The following CHST3 variants were observed in gnomAD, a reference collection of about 807,000 sequenced individuals.
CHST3 encodes C6ST-1.
CHST3 carries 20 observed loss-of-function variants against 35.4 expected under a neutral mutation model. That is an observed-to-expected ratio of 0.57 (90% CI 0.40 to 0.82). CHST3 has a LOEUF of 0.82. Ranked by LOEUF, CHST3 falls within the 40% of genes least tolerant of loss-of-function variation. The pLI, the probability that CHST3 is intolerant of heterozygous loss-of-function variation, is 0.00. For missense variants in CHST3, 693 were observed against 670.1 expected (o/e 1.03, Z -0.38); for synonymous variants, 334 against 295.9 (o/e 1.13, Z -1.32).
Position 72,007,390 on chromosome 10 carries a change from A to G in CHST3, c.359A>G (p.Glu120Gly). Residue 120 changes from glutamate to glycine, a missense_variant, in exon 3 of 3, where the codon GAG becomes GGG. Transcript: ENST00000373115. ...GAGGAAGAGGAAGAGCAGAGAAAGG[A>G]GGAGGAGCCGCCCAGACCGGCCGTG... ...AGEEEEEQRK[E>G]EEPPRPAVAG... 1 of 1,606,272 alleles carries G rather than the reference A, an allele frequency of 6.2e-7. No homozygotes were observed. Among genetic ancestry groups the G allele is most frequent in the Non-Finnish European group, 8.5e-7 (1 of 1,177,646 alleles).
In CHST3 at chr10:72,008,041, A is replaced by C; in HGVS notation, c.1010A>C (p.Glu337Ala). The part of the protein sequence containing the change: ...DEGQDGLREE[E>A]VQRLRGNCES... ...GGCCAGGACGGCCTGAGGGAAGAGG[A>C]GGTGCAGCGGCTGCGGGGCAACTGC... The change falls in exon 3 of 3, where the codon GAG becomes GCG. Residue 337 changes from glutamate to alanine, a missense_variant. Physicochemically the swap from Glu to Ala is moderately radical, Grantham distance 107. Transcript: ENST00000373115. 4 of 1,549,346 alleles carry C rather than the reference A, an allele frequency of 2.6e-6. No individual in the cohort carries two copies. The highest frequency in any genetic ancestry group is 2.4e-5 in the South Asian group (2 of 84,042).
Position 72,008,063 on chromosome 10 carries a change from C to A in CHST3, c.1032C>A (p.Asn344Lys). Reference sequence around the variant, plus strand: ...AGGAGGTGCAGCGGCTGCGGGGCAACTGCGAGAGCATCCGCCTGTCCGCGG... The same window carrying A: ...AGGAGGTGCAGCGGCTGCGGGGCAAATGCGAGAGCATCCGCCTGTCCGCGG... The part of the protein sequence containing the change: ...REEEVQRLRG[N>K]CESIRLSAEL... Residue 344 changes from asparagine (N) to lysine (K), a missense_variant, in exon 3 of 3, where the codon AAC (asparagine) becomes AAA (lysine). Asn to Lys is a moderately conservative substitution (Grantham distance 94). Coordinates refer to ENST00000373115, the MANE Select transcript of CHST3 (RefSeq NM_004273.5). 6.5e-7 allele frequency: 1 copy of A among 1,548,964 alleles called. No individual in the cohort carries two copies. Among genetic ancestry groups the A allele is most frequent in the Non-Finnish European group, 8.7e-7 (1 of 1,146,330 alleles).
At chr10:71,985,646 G>A (rs1014749955) in intron 1 of CHST3, among the ~76,000 whole-genome samples, 3 of 152,134 alleles carry the variant, frequency 2.0e-5, no homozygotes, top group Admixed American at 2.0e-4. Context: ...CTCCTGTTGT[G>A]GGAGCTAGTT....
At chr10:72,005,021 G>A (rs4600132) in intron 1 of CHST3, among the ~76,000 whole-genome samples, 64,274 of 151,952 alleles carry the variant, frequency 0.42, 13,996 homozygotes, top group Non-Finnish European at 0.48. Context: ...GTGACTAAGG[G>A]GGCTGAGGTG....
intron 1 of CHST3, among the ~76,000 whole-genome samples, chr10:71,997,030 GTTTA>G (rs763977178): frequency 6.6e-6 from 1 of 152,056 alleles, no homozygotes; most frequent in Non-Finnish European, 1.5e-5. Context: ...CCTGGCCGTT[GTTTA>G]TTTATTTATT....
intron 1 of CHST3, among the ~76,000 whole-genome samples, chr10:71,976,231 A>T (rs1344898502): frequency 6.6e-6 from 1 of 152,168 alleles, no homozygotes; most frequent in Admixed American, 6.5e-5. Flanking sequence ...CTCCACCCAG[A>T]TGCCAACACC....
rs535679017 is a variant in CHST3 at position 71,969,964 on chromosome 10, A to G, written c.-108+5270A>G. 3.3e-5 allele frequency among the ~76,000 whole-genome samples: 5 copies of G among 152,314 alleles called. No homozygotes were observed. In the South Asian group the frequency reaches 8.3e-4, roughly 25 times the overall value. On this transcript the variant is annotated intron_variant, in intron 1 of 2. Transcript: ENST00000373115. ...CCTTTTCATTCGTTAAACAGAAATG[A>G]TATTTGCCACCTTTTCTTCTCTAAG...
At position 72,007,566 on chromosome 10, in the gene CHST3, G is replaced by T. The variant is rs756623618; in HGVS notation, c.535G>T (p.Ala179Ser). 6.2e-7 allele frequency: 1 copy of T among 1,607,302 alleles called. No homozygotes were observed. The highest frequency in any genetic ancestry group is 1.1e-5 in the South Asian group (1 of 90,956). Reference sequence around the variant, plus strand: ...CACAGTGTCCTTCGAGCCGGGGGGCGCCAACGCCGCGGGCTCGGCCCTGGT... The same window carrying T: ...CACAGTGTCCTTCGAGCCGGGGGGCTCCAACGCCGCGGGCTCGGCCCTGGT... ...ERTVSFEPGG[A>S]NAAGSALVYR... Residue 179 changes from alanine (A) to serine (S), a missense_variant, in exon 3 of 3, where the codon GCC (alanine) becomes TCC (serine). By Grantham distance (99) the Ala-to-Ser change is moderately conservative. Transcript: ENST00000373115.
At position 72,007,492 on chromosome 10, in the gene CHST3, A is replaced by C; in HGVS notation, c.461A>C (p.Gln154Pro). ...GSSFVGEFFN[Q>P]QGNIFYLFEP... Reference sequence around the variant, plus strand: ...TCGTTCGTGGGCGAGTTCTTCAACCAGCAGGGCAACATCTTCTACCTCTTC... The same window carrying C: ...TCGTTCGTGGGCGAGTTCTTCAACCCGCAGGGCAACATCTTCTACCTCTTC... The change falls in exon 3 of 3, where the codon CAG becomes CCG. Residue 154 changes from glutamine (Q) to proline (P), a missense_variant. Physicochemically the swap from Gln to Pro is moderately conservative, Grantham distance 76 (BLOSUM62 -1). Coordinates refer to ENST00000373115, the MANE Select transcript of CHST3 (RefSeq NM_004273.5). 1.2e-6 allele frequency: 2 copies of C among 1,602,396 alleles called. No homozygotes were observed. The highest frequency in any genetic ancestry group is 1.7e-6 in the Non-Finnish European group (2 of 1,179,780).
chr10:72,000,604 G>C (rs533490342), intron 1 of CHST3, among the ~76,000 whole-genome samples: 1 of 152,172 alleles, frequency 6.6e-6, no homozygotes, highest in Non-Finnish European at 1.5e-5. Context: ...GGCCAGGGTG[G>C]GGGTGTTGGG....
intron 1 of CHST3, among the ~76,000 whole-genome samples, chr10:71,972,033 C>T (rs1839700409): frequency 6.6e-6 from 1 of 151,870 alleles, no homozygotes; most frequent in Non-Finnish European, 1.5e-5. Context: ...GCCCAGGAAA[C>T]AATAATAGTA....
At position 72,008,080 on chromosome 10, in the gene CHST3, T is replaced by C; in HGVS notation, c.1049T>C (p.Leu350Pro). 3 of 1,545,584 alleles carry C rather than the reference T, an allele frequency of 1.9e-6. No homozygotes were observed. Among genetic ancestry groups the C allele is most frequent in the Non-Finnish European group, 2.6e-6 (3 of 1,144,042 alleles). ...CGGGGCAACTGCGAGAGCATCCGCC[T>C]GTCCGCGGAGCTGGGGCTGCGGCAG... ...RLRGNCESIRLSAELGLRQPA... is the reference protein window; with the variant it reads ...RLRGNCESIRPSAELGLRQPA... Residue 350 changes from leucine (L) to proline (P), a missense_variant, in exon 3 of 3, where the codon CTG becomes CCG. By Grantham distance (98) the Leu-to-Pro change is moderately conservative. Transcript: ENST00000373115.
At chr10:71,964,856 C>G (rs1839613621) in intron 1 of CHST3, among the ~76,000 whole-genome samples, 162 bp downstream of exon 1, 1 of 152,198 alleles carries the variant, frequency 6.6e-6, no homozygotes, top group South Asian at 2.1e-4. Flanking sequence ...GGGAAAAGCC[C>G]AGGCAGGCAC....
At chr10:71,984,675 C>G (rs1839830845) in intron 1 of CHST3, among the ~76,000 whole-genome samples, 1 of 152,230 alleles carries the variant, frequency 6.6e-6, no homozygotes, top group Non-Finnish European at 1.5e-5. Context: ...TAAGTTTTCT[C>G]ATCCCCTTGC....
intron 1 of CHST3, among the ~76,000 whole-genome samples, chr10:71,999,822 G>C (rs549756527): frequency 6.6e-6 from 1 of 152,348 alleles, no homozygotes; most frequent in South Asian, 2.1e-4. Flanking sequence ...AGAGAAGGGA[G>C]GGAAGCCGAA....
In CHST3 at chr10:71,971,868, C is replaced by A. The variant is rs545672668; in HGVS notation, c.-108+7174C>A. ...AGGCCCCGAGAATAGAAATCTAGAA[C>A]CTGCCAGTCACGAAGCAGTGTCACC... On this transcript the variant is annotated intron_variant, in intron 1 of 2. Coordinates refer to ENST00000373115, the MANE Select transcript of CHST3 (RefSeq NM_004273.5). Among the ~76,000 whole-genome samples, 170 of 152,156 alleles carry A rather than the reference C, an allele frequency of 1.1e-3. 1 individual carries two copies. Among genetic ancestry groups the A allele is most frequent in the Non-Finnish European group, 2.1e-3 (140 of 68,014 alleles).
intron 1 of CHST3, among the ~76,000 whole-genome samples, chr10:71,998,757 T>G (rs1387599346): frequency 2.0e-5 from 3 of 152,232 alleles, no homozygotes; most frequent in Non-Finnish European, 4.4e-5. Context: ...CACCTTTGCC[T>G]GCTTCTACTC....
intron 1 of CHST3, among the ~76,000 whole-genome samples, chr10:71,990,924 C>T (rs1044406121): frequency 6.6e-6 from 1 of 152,180 alleles, no homozygotes. Context: ...AACAATTAGT[C>T]CCCCAAATCT....
intron 1 of CHST3, among the ~76,000 whole-genome samples, chr10:72,003,168 C>T (rs563019395): frequency 2.0e-5 from 3 of 152,302 alleles, no homozygotes; most frequent in Non-Finnish European, 4.4e-5. Flanking sequence ...TAGCATGGCA[C>T]CTGGCACAGA....
Sources: allele counts gnomAD v4.1 joint callset (sites outside exome capture counted in the v4.1 genomes callset), GRCh38; gene constraint gnomAD v4.1.1; transcripts MANE v1.5; gene names NCBI Gene and HGNC (gene_info 2026-07-23, HGNC 2026-07-21).